Variants in DIS3L2 observed in about 807,000 individuals in gnomAD.
DIS3L2 encodes DIS3 like 3'-5' exoribonuclease 2.
In DIS3L2, 34 loss-of-function variants were observed where a neutral mutation model predicts 97.5. The observed-to-expected ratio is 0.35, with a 90% CI of 0.27 to 0.46. The LOEUF (loss-of-function observed/expected upper bound fraction) is 0.46, where lower values mean the gene tolerates loss of function less well. Ranked by LOEUF, DIS3L2 falls within the 20% of genes least tolerant of loss-of-function variation. The probability of loss-of-function intolerance (pLI) is 1.00; values close to 1 mark genes in which losing one functional copy is unlikely to be tolerated. For synonymous variants in DIS3L2, 435 were observed against 445.2 expected, an observed-to-expected ratio of 0.98 and a Z score of 0.29; for missense variants, 1,038 against 1,146.0, an observed-to-expected ratio of 0.91 and a Z score of 1.36.
At chr2:232,048,969 T>G (rs1695324973) in intron 5 of DIS3L2, among the ~76,000 whole-genome samples, 1 of 152,164 alleles carries the variant, frequency 6.6e-6, no homozygotes, top group Non-Finnish European at 1.5e-5. Context: ...ACACATATAG[T>G]TTGGTGTTCA....
intron 5 of DIS3L2, among the ~76,000 whole-genome samples, chr2:232,083,926 C>G (rs1327496790): frequency 6.6e-6 from 1 of 152,106 alleles, no homozygotes; most frequent in African/African-American, 2.4e-5. Flanking sequence ...CCATTAAACC[C>G]GAGATTGTAT....
chr2:231,974,565 G>T (rs1693021660), intron 1 of DIS3L2, among the ~76,000 whole-genome samples: 2 of 145,550 alleles, frequency 1.4e-5, no homozygotes. Context: ...TAATATCCCA[G>T]GTCTCTTAAC....
At chr2:232,148,136 G>C (rs1306937813) in intron 8 of DIS3L2, among the ~76,000 whole-genome samples, 3 of 146,226 alleles carry the variant, frequency 2.1e-5, no homozygotes, top group Non-Finnish European at 4.5e-5. Flanking sequence ...TGCAACCTCT[G>C]CTTCCTGGGT....
chr2:232,045,670 C>CTTTTTTT (rs35019734), intron 5 of DIS3L2, among the ~76,000 whole-genome samples: 5 of 99,046 alleles, frequency 5.0e-5, no homozygotes, highest in Non-Finnish European at 3.8e-5. Context: ...AAAGGCCTCA[C>CTTTTTTT]TTTTTTTTTT....
At chr2:232,231,053 G>A (rs1263437286) in intron 10 of DIS3L2, among the ~76,000 whole-genome samples, 1 of 152,156 alleles carries the variant, frequency 6.6e-6, no homozygotes, top group Non-Finnish European at 1.5e-5. Context: ...TCTAAAATAG[G>A]CTCCAGACAT....
At chr2:232,231,401 A>C (rs985182876) in intron 10 of DIS3L2, among the ~76,000 whole-genome samples, 2 of 152,144 alleles carry the variant, frequency 1.3e-5, no homozygotes, top group Admixed American at 1.3e-4. Flanking sequence ...GCTACCCTAA[A>C]AGCACCTAGC....
intron 6 of DIS3L2, among the ~76,000 whole-genome samples, chr2:232,091,683 G>A (rs1382909370): frequency 6.6e-6 from 1 of 152,094 alleles, no homozygotes; most frequent in Non-Finnish European, 1.5e-5. Flanking sequence ...GAGTGGGATT[G>A]CTGGTATGGT....
At chr2:232,100,945 A>C (rs1697185125) in intron 6 of DIS3L2, among the ~76,000 whole-genome samples, 6 of 151,894 alleles carry the variant, frequency 4.0e-5, no homozygotes. Context: ...TTAAAAATTT[A>C]TGTCTGGGGG....
At chr2:231,964,969 T>C (rs1286878702) in intron 1 of DIS3L2, among the ~76,000 whole-genome samples, 1 of 152,258 alleles carries the variant, frequency 6.6e-6, no homozygotes, top group Non-Finnish European at 1.5e-5. Context: ...CCTTATATTC[T>C]TAAGAGTTTG....
intron 9 of DIS3L2, among the ~76,000 whole-genome samples, chr2:232,210,070 C>T (rs931916936): frequency 6.6e-6 from 1 of 152,194 alleles, no homozygotes; most frequent in Non-Finnish European, 1.5e-5. Flanking sequence ...GCCTGATTTT[C>T]ACCCACTCAC....
chr2:231,973,163 A>C (rs1180527087), intron 1 of DIS3L2, among the ~76,000 whole-genome samples: 2 of 152,350 alleles, frequency 1.3e-5, no homozygotes, highest in African/African-American at 4.8e-5. Context: ...TTCTTTGTAG[A>C]AAAGTTTTTA....
At chr2:232,182,500 T>C (rs1014102340) in intron 9 of DIS3L2, among the ~76,000 whole-genome samples, 1 of 152,222 alleles carries the variant, frequency 6.6e-6, no homozygotes, top group Non-Finnish European at 1.5e-5. Context: ...TTTTTATCTC[T>C]GTTACTGGAT....
chr2:232,197,379 A>G (rs1350309648), intron 9 of DIS3L2, among the ~76,000 whole-genome samples: 2 of 152,234 alleles, frequency 1.3e-5, no homozygotes, highest in Non-Finnish European at 2.9e-5. Flanking sequence ...ATATATTCAC[A>G]TATATTCTTT....
At chr2:232,086,634 T>TATATATGTGTATATATATATATATACAC (rs1559613405) in intron 5 of DIS3L2, among the ~76,000 whole-genome samples, 3,465 of 63,626 alleles carry the variant, frequency 0.054, 512 homozygotes, top group East Asian at 0.42. Context: ...TATATACACA[T>TATATATGTGTATATATATATATATACAC]ATATATATAT....
At chr2:232,225,089 G>A (rs1458514391) in intron 10 of DIS3L2, among the ~76,000 whole-genome samples, 1 of 152,162 alleles carries the variant, frequency 6.6e-6, no homozygotes, top group African/African-American at 2.4e-5. Flanking sequence ...AGTTTTTAAA[G>A]CTGACAATGT....
chr2:232,065,311 CT>C (rs1351382800), intron 5 of DIS3L2, among the ~76,000 whole-genome samples: 1 of 151,534 alleles, frequency 6.6e-6, no homozygotes, highest in Non-Finnish European at 1.5e-5. Context: ...CTGCAAGTCT[CT>C]TTTTTTTCCT....
At chr2:232,247,874 C>T (rs916901317) in intron 11 of DIS3L2, among the ~76,000 whole-genome samples, 7 of 152,076 alleles carry the variant, frequency 4.6e-5, no homozygotes, top group African/African-American at 1.7e-4. Context: ...ATAGTATTGT[C>T]TGAACTGATG....
chr2:232,077,493 C>T (rs1445781452), intron 5 of DIS3L2, among the ~76,000 whole-genome samples: 1 of 152,074 alleles, frequency 6.6e-6, no homozygotes, highest in African/African-American at 2.4e-5. Flanking sequence ...TATTTCTTAT[C>T]AATACTCCTC....
chr2:232,144,344 G>T (rs528910267), intron 8 of DIS3L2, among the ~76,000 whole-genome samples: 1 of 152,000 alleles, frequency 6.6e-6, no homozygotes, highest in Non-Finnish European at 1.5e-5. Flanking sequence ...CCAGCCAGGT[G>T]GGTAAAAATA....
Sources: allele counts gnomAD v4.1 joint callset (sites outside exome capture counted in the v4.1 genomes callset), GRCh38; gene constraint gnomAD v4.1.1; transcripts MANE v1.5; gene names NCBI Gene and HGNC (gene_info 2026-07-23, HGNC 2026-07-21).